C8B: variants seen among roughly 807,000 people sequenced by gnomAD.
The protein encoded by C8B is complement C8 beta chain.
C8B carries 67 observed loss-of-function variants against 64.6 expected under a neutral mutation model. The observed-to-expected ratio is 1.04, with a 90% CI of 0.85 to 1.27. C8B has a LOEUF of 1.27. Among genes scored for constraint, C8B ranks in the 50% most tolerant of loss-of-function variants. C8B has a pLI of 0.00. For synonymous variants in C8B, 284 were observed against 257.7 expected (o/e 1.10, Z -0.98); for missense variants, 790 against 725.2 (o/e 1.09, Z -1.03).
chr1:56,937,716 T>A (rs1284895181), intron 9 of C8B, among the ~76,000 whole-genome samples: 3 of 152,210 alleles, frequency 2.0e-5, no homozygotes, highest in African/African-American at 7.2e-5. Context: ...ATTTCGGAGA[T>A]ACTTACACTA....
At chr1:56,958,110 T>A (rs72670373) in intron 2 of C8B, among the ~76,000 whole-genome samples, 31,104 of 151,122 alleles carry the variant, frequency 0.21, 3,443 homozygotes, top group Non-Finnish European at 0.25. Flanking sequence ...GTGGCCAGAG[T>A]GGGAGGGAGA....
intron 6 of C8B, 99 bp downstream of exon 6, chr1:56,949,456 C>G: frequency 8.6e-7 from 1 of 1,166,200 alleles, no homozygotes; most frequent in Non-Finnish European, 1.3e-6. Flanking sequence ...AAGTAAATGT[C>G]TTTTCTTTAT....
At position 56,956,763 on chromosome 1, in the gene C8B, T is replaced by G; in HGVS notation, c.391+6A>C. 6.2e-7 allele frequency: 1 copy of G among 1,613,906 alleles called. No homozygotes were observed. The highest frequency in any genetic ancestry group is 8.5e-7 in the Non-Finnish European group (1 of 1,179,910). ...TTTCCCCTCTTACTCCTACATTGAT[T>G]TATACCTGTCTGTGCACACACAAAG... On this transcript the variant is annotated splice_donor_region_variant and intron_variant, in intron 3 of 11. Transcript: ENST00000371237.
rs547468144 is a variant in C8B at position 56,941,157 on chromosome 1, A to G, written c.1235-145T>C. 1.0e-4 allele frequency: 97 copies of G among 927,400 alleles called. No homozygotes were observed. In the African/African-American group the frequency reaches 1.5e-3, roughly 14 times the overall value. 57.4% of individuals were successfully genotyped at this position (927,400 alleles called of 1,614,324 possible). ...GTGGACCAGACACTTCCTTGTCCAC[A>G]GGGCAGTCATGGTGCATGGGGCAAA... On this transcript the variant is annotated intron_variant, in intron 8 of 11. Coordinates refer to ENST00000371237, the MANE Select transcript of C8B (RefSeq NM_000066.4).
intron 2 of C8B, among the ~76,000 whole-genome samples, chr1:56,959,227 A>G (rs1041543388): frequency 6.6e-6 from 1 of 152,230 alleles, no homozygotes; most frequent in Non-Finnish European, 1.5e-5. Flanking sequence ...ATCAAACACC[A>G]CATATTTATG....
chr1:56,940,613 G>T lies in C8B; in HGVS notation c.1398+236C>A, dbSNP rs140707451. On this transcript the variant is annotated intron_variant, in intron 9 of 11. Coordinates refer to ENST00000371237, the MANE Select transcript of C8B (RefSeq NM_000066.4). ...AGTAAGCTAGAATTAGAAGCTGATT[G>T]TTAGTTTCCTTTAGCAACTTGGGGC... 2.5e-4 allele frequency among the ~76,000 whole-genome samples: 38 copies of T among 152,174 alleles called. 2 individuals carry two copies. The East Asian group carries it at 5.6e-3, about 23-fold the overall frequency.
At chr1:56,951,843 T>C (rs548871014) in intron 5 of C8B, among the ~76,000 whole-genome samples, 18 of 152,362 alleles carry the variant, frequency 1.2e-4, no homozygotes, top group South Asian at 6.2e-4. Context: ...TTTCTATTAT[T>C]ACTGCTCTAC....
intron 5 of C8B, among the ~76,000 whole-genome samples, chr1:56,950,004 A>G (rs780665840): frequency 1.2e-4 from 19 of 152,202 alleles, no homozygotes; most frequent in Non-Finnish European, 2.1e-4. Context: ...GCAAAAATGC[A>G]GGGGAACATT....
At chr1:56,932,413 A>T (rs773201450) in intron 10 of C8B, among the ~76,000 whole-genome samples, 2 of 152,168 alleles carry the variant, frequency 1.3e-5, no homozygotes, top group African/African-American at 2.4e-5. Flanking sequence ...CCCTGCAAGC[A>T]TCCCAGTCTC....
chr1:56,948,728 G>T (rs961504486), intron 6 of C8B, among the ~76,000 whole-genome samples: 4 of 152,182 alleles, frequency 2.6e-5, no homozygotes, highest in African/African-American at 9.6e-5. Flanking sequence ...GGAGCAGAAA[G>T]AAAGCAGGAG....
chr1:56,958,141 A>G (rs555705983), intron 2 of C8B, among the ~76,000 whole-genome samples: 10 of 152,278 alleles, frequency 6.6e-5, no homozygotes, highest in African/African-American at 2.2e-4. Flanking sequence ...AGCAGATAAC[A>G]CAGGGGCCTC....
intron 2 of C8B, 105 bp downstream of exon 2, chr1:56,959,915 T>C (rs1645152969): frequency 2.4e-6 from 3 of 1,262,102 alleles, no homozygotes; most frequent in African/African-American, 2.9e-5. Context: ...CCGACATTTA[T>C]TGAGGGCCAA....
At chr1:56,961,019 G>T (rs1645171999) in intron 1 of C8B, among the ~76,000 whole-genome samples, 1 of 152,140 alleles carries the variant, frequency 6.6e-6, no homozygotes, top group Non-Finnish European at 1.5e-5. Context: ...GAGAGGAGAA[G>T]TGAGTGAAGG....
At chr1:56,961,010 AGAG>A (rs1371374162) in intron 1 of C8B, among the ~76,000 whole-genome samples, 1 of 151,918 alleles carries the variant, frequency 6.6e-6, no homozygotes, top group African/African-American at 2.4e-5. Context: ...ATGGTTCTTG[AGAG>A]GAGAAGTGAG....
intron 7 of C8B, 87 bp from the exon 8 acceptor site, chr1:56,943,911 T>A (rs41286848): frequency 0.011 from 16,750 of 1,490,618 alleles, 114 homozygotes; most frequent in African/African-American, 0.033. Context: ...GGCCTAGCCC[T>A]GTTGAATGTC....
intron 2 of C8B, among the ~76,000 whole-genome samples, chr1:56,958,962 A>G (rs1008240328): frequency 1.4e-4 from 21 of 152,164 alleles, no homozygotes; most frequent in African/African-American, 5.1e-4. Flanking sequence ...TATTGTTCTC[A>G]GAAGTAGGAT....
Position 56,952,074 on chromosome 1 carries a change from A to G in C8B, c.640T>C (p.Tyr214His), listed in dbSNP as rs904564646. Residue 214 changes from tyrosine to histidine, a missense_variant, in exon 5 of 12, where the codon TAC becomes CAC. Transcript: ENST00000371237. Reference sequence around the variant, plus strand: ...TGTGGCGTGTAGCTTTCCACATTGTAGGGCTTCCTAAACCTCGTGTTCAGG... The same window carrying G: ...TGTGGCGTGTAGCTTTCCACATTGTGGGGCTTCCTAAACCTCGTGTTCAGG... Reference protein sequence around the residue: ...YILNTRFRKPYNVESYTPQTQ... With the variant: ...YILNTRFRKPHNVESYTPQTQ... 6.2e-7 allele frequency: 1 copy of G among 1,614,080 alleles called. No homozygotes were observed. Among genetic ancestry groups the G allele is most frequent in the East Asian group, 2.2e-5 (1 of 44,864 alleles).
At chr1:56,951,608 G>T (rs1240696061) in intron 5 of C8B, among the ~76,000 whole-genome samples, 1 of 152,194 alleles carries the variant, frequency 6.6e-6, no homozygotes, top group African/African-American at 2.4e-5. Flanking sequence ...AACATTTTCT[G>T]TGGACTCACC....
chr1:56,933,604 CTAT>C, intron 9 of C8B, 116 bp from the exon 10 acceptor site: 1 of 839,140 alleles, frequency 1.2e-6, no homozygotes, highest in South Asian at 1.4e-5. Context: ...ATGTGGGTTC[CTAT>C]GAAACTAGAT....
Sources: allele counts gnomAD v4.1 joint callset (sites outside exome capture counted in the v4.1 genomes callset), GRCh38; gene constraint gnomAD v4.1.1; transcripts MANE v1.5; gene names NCBI Gene and HGNC (gene_info 2026-07-23, HGNC 2026-07-21).